The following DDX4 variants were observed in gnomAD, a reference collection of about 807,000 sequenced individuals.
DDX4 encodes DEAD-box helicase 4.
A neutral mutation model predicts 100.0 loss-of-function variants in DDX4; 25 were observed. The observed-to-expected ratio is 0.25, with a 90% CI of 0.18 to 0.35. DDX4 has a LOEUF of 0.35. Ranked by LOEUF, DDX4 falls within the 10% of genes least tolerant of loss-of-function variation. The pLI is 1.00. For missense variants in DDX4, 635 were observed against 882.4 expected, an observed-to-expected ratio of 0.72 and a Z score of 3.55; for synonymous variants, 259 against 275.7, an observed-to-expected ratio of 0.94 and a Z score of 0.60.
intron 2 of DDX4, among the ~76,000 whole-genome samples, chr5:55,741,817 A>C (rs1466379518): frequency 6.6e-6 from 1 of 151,724 alleles, no homozygotes; most frequent in Non-Finnish European, 1.5e-5. Context: ...GAAACTAGAG[A>C]TGAATACATT....
intron 16 of DDX4, 39 bp from the exon 17 acceptor site, chr5:55,792,602 T>C: frequency 1.9e-6 from 2 of 1,068,194 alleles, no homozygotes; most frequent in Non-Finnish European, 2.6e-6. Context: ...TATAAACTAA[T>C]ATGCATTTTC....
chr5:55,786,444 C>A, intron 13 of DDX4, 74 bp from the exon 14 acceptor site: 1 of 1,211,290 alleles, frequency 8.3e-7, no homozygotes, highest in South Asian at 1.6e-5. Flanking sequence ...GAAAGTAGCT[C>A]GAATGAAATA....
At chr5:55,798,317 T>C in intron 17 of DDX4, 109 bp from the exon 18 acceptor site, 1 of 1,141,408 alleles carries the variant, frequency 8.8e-7, no homozygotes, top group South Asian at 2.0e-5. Flanking sequence ...ATAGCTGTTA[T>C]AATCTGCTGT....
At chr5:55,793,096 G>A (rs1326816327) in intron 17 of DDX4, among the ~76,000 whole-genome samples, 6 of 150,450 alleles carry the variant, frequency 4.0e-5, no homozygotes, top group African/African-American at 1.5e-4. Context: ...ATCCAGCTAG[G>A]GTTTAATAAG....
intron 17 of DDX4, among the ~76,000 whole-genome samples, chr5:55,795,173 C>T (rs1037344064): frequency 3.9e-5 from 6 of 152,074 alleles, no homozygotes; most frequent in African/African-American, 1.4e-4. Flanking sequence ...CCATGCTGGT[C>T]AGGCTGGTCT....
At chr5:55,790,521 C>G (rs1742500948) in intron 15 of DDX4, 55 bp from the exon 16 acceptor site, 1 of 1,154,644 alleles carries the variant, frequency 8.7e-7, no homozygotes, top group Non-Finnish European at 1.3e-6. Flanking sequence ...TTGTTAGAAA[C>G]AGATGCCTAA....
chr5:55,812,626 A>G (rs1361903205), intron 18 of DDX4, among the ~76,000 whole-genome samples: 1 of 152,034 alleles, frequency 6.6e-6, no homozygotes, highest in African/African-American at 2.4e-5. Context: ...AGAGGCTTAG[A>G]CTTGTCTTTC....
At position 55,798,461 on chromosome 5, in the gene DDX4, T is replaced by C. The variant is rs1473015454; in HGVS notation, c.1505T>C (p.Phe502Ser). The C allele has an allele frequency of 1.5e-5, 24 of 1,612,786 alleles. No individual in the cohort carries two copies. Among genetic ancestry groups the C allele is most frequent in the Non-Finnish European group, 2.0e-5 (24 of 1,179,388 alleles). ...GAGTTTTTAAAGTCAAATTATCTGT[T>C]TGTTGCTGTTGGACAAGTGGGTGGA... is the stretch of plus-strand genomic sequence containing the variant. ...AAEFLKSNYL[F>S]VAVGQVGGAC... Residue 502 changes from phenylalanine to serine, a missense_variant, in exon 18 of 22, where the codon TTT becomes TCT. Physicochemically the swap from Phe to Ser is radical, Grantham distance 155 (BLOSUM62 -2). Around this residue, in one of 4 missense-constraint regions of DDX4, gnomAD observed 115 missense variants for 224.7 expected, o/e 0.51. Coordinates refer to ENST00000505374, the MANE Select transcript of DDX4 (RefSeq NM_024415.3).
intron 3 of DDX4, 136 bp downstream of exon 3, chr5:55,746,357 A>G (rs977790470): frequency 5.0e-6 from 3 of 604,322 alleles, no homozygotes; most frequent in South Asian, 5.7e-5. Context: ...TCTGATTTGG[A>G]TATTGTGGAA....
chr5:55,778,824 G>T lies in DDX4; in HGVS notation c.395-1140G>T, dbSNP rs146049490. On this transcript the variant is annotated intron_variant, in intron 7 of 21. Coordinates refer to ENST00000505374, the MANE Select transcript of DDX4 (RefSeq NM_024415.3). ...CAGGAGAATCGCTTGGACTCTGGAG[G>T]CAGAGGTTGCAGTGAGCCGAGATGA... 3.5e-3 allele frequency among the ~76,000 whole-genome samples: 525 copies of T among 151,990 alleles called. 7 individuals are homozygous for T. The highest frequency in any genetic ancestry group is 0.012 in the African/African-American group (509 of 41,434).
At position 55,763,090 on chromosome 5, in the gene DDX4, C is replaced by T; in HGVS notation, c.206-85C>T. On this transcript the variant is annotated intron_variant, in intron 4 of 21. Transcript: ENST00000505374. Reference sequence around the variant, plus strand: ...TCCCATCCTTGGAAGTCTCTTTACGCCAGAAATTCATTTAATTCTTAGTTT... The same window carrying T: ...TCCCATCCTTGGAAGTCTCTTTACGTCAGAAATTCATTTAATTCTTAGTTT... The T allele has an allele frequency of 4.4e-6, 4 of 909,246 alleles. No homozygotes were observed. The Admixed American group carries it at 5.6e-5, about 13-fold the overall frequency. 56.3% of individuals were successfully genotyped at this position (909,246 alleles called of 1,614,324 possible).
chr5:55,776,448 A>G (rs896717162), intron 7 of DDX4, among the ~76,000 whole-genome samples: 5 of 152,236 alleles, frequency 3.3e-5, no homozygotes, highest in African/African-American at 1.2e-4. Flanking sequence ...CTCAGCAAAT[A>G]AAATTAAAAA....
Position 55,784,012 on chromosome 5 carries a change from C to G in DDX4, c.626-1285C>G, listed in dbSNP as rs938212682. On this transcript the variant is annotated intron_variant, in intron 10 of 21. Coordinates refer to ENST00000505374, the MANE Select transcript of DDX4 (RefSeq NM_024415.3). ...CCTGTCCCCCACCTTCCAACAGGCCCTGGTATGTGATACTCCCCTCCTCGT... is the reference window on the plus strand; with the variant it reads ...CCTGTCCCCCACCTTCCAACAGGCCGTGGTATGTGATACTCCCCTCCTCGT... 4.6e-5 allele frequency among the ~76,000 whole-genome samples: 7 copies of G among 152,014 alleles called. No homozygotes were observed. In the East Asian group the frequency reaches 1.3e-3, roughly 29 times the overall value.
At position 55,813,761 on chromosome 5, in the gene DDX4, A is replaced by G. The variant is rs150701937; in HGVS notation, c.1704A>G (p.Thr568=). Residue 568 remains threonine (T), a synonymous_variant, in exon 19 of 22, where the codon ACA becomes ACG. Transcript: ENST00000505374. The part of the protein sequence containing the change: ...TFLCQEKIST[T]SIHGDREQRE... ...TTTGTCAAGAAAAAATATCAACTAC[A>G]AGTATTCATGGGTGAGTAGATGAAT... is the stretch of plus-strand genomic sequence containing the variant. The G allele has an allele frequency of 2.5e-6, 4 of 1,594,146 alleles. No individual in the cohort carries two copies. In the East Asian group the frequency reaches 6.8e-5, roughly 27 times the overall value.
chr5:55,797,984 G>C (rs1212119625), intron 17 of DDX4, among the ~76,000 whole-genome samples: 1 of 152,106 alleles, frequency 6.6e-6, no homozygotes, highest in Non-Finnish European at 1.5e-5. Flanking sequence ...TAATTTAATA[G>C]GTAATATTTT....
intron 3 of DDX4, among the ~76,000 whole-genome samples, chr5:55,751,994 A>G (rs1015864315): frequency 1.8e-4 from 28 of 152,122 alleles, no homozygotes; most frequent in African/African-American, 6.5e-4. Flanking sequence ...GACATAGTGT[A>G]TGCAGTATGA....
In DDX4 at chr5:55,816,712, A is replaced by G. The variant is rs889863008; in HGVS notation, c.*172A>G. The G allele has an allele frequency of 8.9e-7, 1 of 1,118,440 alleles. No homozygotes were observed. Among genetic ancestry groups the G allele is most frequent in the Non-Finnish European group, 1.2e-6 (1 of 822,080 alleles). The allele number at this position is 1,118,440 out of a possible 1,614,324, so 69.3% of individuals were successfully genotyped here. A position where few individuals can be genotyped will look rare whatever the true frequency, so the allele number is the denominator to read the frequency against. ...CTGACTAGTTATGTGAGATGCTAAAACTTACAACATTGCAGTTACTGATAC... is the reference window on the plus strand; with the variant it reads ...CTGACTAGTTATGTGAGATGCTAAAGCTTACAACATTGCAGTTACTGATAC... On this transcript the variant is annotated 3_prime_UTR_variant, in exon 22 of 22. Coordinates refer to ENST00000505374, the MANE Select transcript of DDX4 (RefSeq NM_024415.3).
chr5:55,744,690 T>C (rs547864024), intron 2 of DDX4, among the ~76,000 whole-genome samples: 125 of 152,272 alleles, frequency 8.2e-4, no homozygotes, highest in Non-Finnish European at 1.4e-3. Context: ...AGTGAACAGT[T>C]AGTATTTGGG....
intron 17 of DDX4, 26 bp downstream of exon 17, chr5:55,792,833 T>G: frequency 8.0e-7 from 1 of 1,243,012 alleles, no homozygotes; most frequent in Non-Finnish European, 1.0e-6. Context: ...TAAAAATAAT[T>G]TAATTATATA....
Sources: allele counts gnomAD v4.1 joint callset (sites outside exome capture counted in the v4.1 genomes callset), GRCh38; gene constraint gnomAD v4.1.1; regional missense constraint gnomAD v4.1.1; transcripts MANE v1.5; gene names NCBI Gene and HGNC (gene_info 2026-07-23, HGNC 2026-07-21).